Variants in NLGN1 observed in about 807,000 individuals in gnomAD.
NLGN1 encodes neuroligin-1.
Under a neutral mutation model 65.5 loss-of-function variants are expected in NLGN1, and 12 were observed. The ratio of observed to expected loss-of-function variants is 0.18; its 90% confidence interval spans 0.12 to 0.30. The LOEUF (loss-of-function observed/expected upper bound fraction) is 0.30. Ranked by LOEUF, NLGN1 falls within the 10% of genes least tolerant of loss-of-function variation. The pLI, the probability that NLGN1 is intolerant of heterozygous loss-of-function variation, is 1.00. For missense variants in NLGN1, 750 were observed against 1,007.1 expected, an observed-to-expected ratio of 0.74 and a Z score of 3.46; for synonymous variants, 350 against 359.5, an observed-to-expected ratio of 0.97 and a Z score of 0.30.
chr3:174,199,504 G>T (rs541747912), intron 4 of NLGN1, among the ~76,000 whole-genome samples: 1 of 149,978 alleles, frequency 6.7e-6, no homozygotes, highest in East Asian at 1.9e-4. Flanking sequence ...AGTCTGAACA[G>T]TGTGGAAGAG....
At chr3:173,844,027 G>A (rs1197153552) in intron 4 of NLGN1, among the ~76,000 whole-genome samples, 3 of 152,174 alleles carry the variant, frequency 2.0e-5, no homozygotes, top group African/African-American at 7.2e-5. Flanking sequence ...AAGGCAAGGA[G>A]AAATAAGTCA....
At chr3:174,209,220 G>A (rs1324371003) in intron 4 of NLGN1, among the ~76,000 whole-genome samples, 5 of 152,074 alleles carry the variant, frequency 3.3e-5, no homozygotes, top group African/African-American at 1.2e-4. Flanking sequence ...CACCGTGCCC[G>A]ACCTAATTCT....
intron 4 of NLGN1, among the ~76,000 whole-genome samples, chr3:174,236,648 G>T (rs1418784835): frequency 6.6e-6 from 1 of 151,972 alleles, no homozygotes; most frequent in African/African-American, 2.4e-5. Flanking sequence ...TCCATTCATT[G>T]ATTTTTACAT....
intron 4 of NLGN1, among the ~76,000 whole-genome samples, chr3:174,220,632 C>G (rs1239736196): frequency 6.6e-6 from 1 of 152,042 alleles, no homozygotes; most frequent in Non-Finnish European, 1.5e-5. Flanking sequence ...AACTTTATTC[C>G]TCTTTCATTT....
At chr3:174,054,801 T>A (rs1302080826) in intron 4 of NLGN1, among the ~76,000 whole-genome samples, 2 of 152,064 alleles carry the variant, frequency 1.3e-5, no homozygotes, top group Non-Finnish European at 2.9e-5. Flanking sequence ...TTATTCGCAA[T>A]GTCCGATCTT....
intron 4 of NLGN1, among the ~76,000 whole-genome samples, chr3:174,115,908 T>C (rs975979043): frequency 6.6e-6 from 1 of 152,202 alleles, no homozygotes; most frequent in South Asian, 2.1e-4. Flanking sequence ...AGGTTCTATA[T>C]GTCTCTACAT....
chr3:173,537,539 TAAAG>T (rs1020105171), intron 2 of NLGN1, among the ~76,000 whole-genome samples: 7 of 151,932 alleles, frequency 4.6e-5, no homozygotes, highest in African/African-American at 7.2e-5. Context: ...TATAATAAAA[TAAAG>T]AAGAACTACT....
chr3:173,714,639 G>A (rs1769543737), intron 3 of NLGN1, among the ~76,000 whole-genome samples: 2 of 152,078 alleles, frequency 1.3e-5, no homozygotes, highest in African/African-American at 4.8e-5. Context: ...ATGCCTTTCT[G>A]GAGCAAGTGA....
intron 1 of NLGN1, among the ~76,000 whole-genome samples, chr3:173,433,364 G>A (rs78639934): frequency 0.023 from 3,442 of 152,164 alleles, 62 homozygotes; most frequent in African/African-American, 0.038. Context: ...TTCCCTCCCT[G>A]TCTGAAACCT....
chr3:174,101,641 G>A (rs1576877036), intron 4 of NLGN1, among the ~76,000 whole-genome samples: 1 of 152,314 alleles, frequency 6.6e-6, no homozygotes, highest in Middle Eastern at 3.4e-3. Context: ...TCACAGGACT[G>A]TATACCTCTT....
At chr3:174,239,679 C>T (rs183084451) in intron 4 of NLGN1, among the ~76,000 whole-genome samples, 4 of 151,968 alleles carry the variant, frequency 2.6e-5, no homozygotes, top group Middle Eastern at 3.4e-3. Context: ...GAAGGGTAGT[C>T]GATATAATTG....
At chr3:173,619,656 G>T (rs540131660) in intron 3 of NLGN1, among the ~76,000 whole-genome samples, 1 of 152,274 alleles carries the variant, frequency 6.6e-6, no homozygotes, top group African/African-American at 2.4e-5. Flanking sequence ...GGCACAGATA[G>T]GTTACTGTGC....
At chr3:173,926,505 A>G (rs1454426471) in intron 4 of NLGN1, among the ~76,000 whole-genome samples, 1 of 152,228 alleles carries the variant, frequency 6.6e-6, no homozygotes, top group Non-Finnish European at 1.5e-5. Flanking sequence ...TCTGAGAATA[A>G]TCTGCTTCCA....
intron 2 of NLGN1, among the ~76,000 whole-genome samples, chr3:173,522,268 C>T (rs1734884798): frequency 6.6e-6 from 1 of 152,208 alleles, no homozygotes; most frequent in Non-Finnish European, 1.5e-5. Flanking sequence ...GTTCATGTCA[C>T]TGCAAATGAC....
chr3:173,413,559 C>T (rs894715706), intron 1 of NLGN1, among the ~76,000 whole-genome samples: 2 of 152,186 alleles, frequency 1.3e-5, no homozygotes, highest in African/African-American at 2.4e-5. Flanking sequence ...GACATCATGC[C>T]ACTGTACTCC....
chr3:173,742,226 T>C (rs945581243), intron 3 of NLGN1, among the ~76,000 whole-genome samples: 5 of 152,112 alleles, frequency 3.3e-5, no homozygotes, highest in Non-Finnish European at 1.5e-5. Context: ...AAACTAAAAC[T>C]CATGGAATTA....
chr3:173,827,413 C>A (rs548823970), intron 4 of NLGN1, among the ~76,000 whole-genome samples: 44 of 152,000 alleles, frequency 2.9e-4, no homozygotes, highest in Non-Finnish European at 5.0e-4. Flanking sequence ...AGAGAGGATG[C>A]CTGAGCTGGA....
intron 2 of NLGN1, among the ~76,000 whole-genome samples, chr3:173,564,311 A>G (rs1336104459): frequency 1.3e-5 from 2 of 152,270 alleles, no homozygotes; most frequent in Admixed American, 6.5e-5. Flanking sequence ...ATAAAGGATC[A>G]GTAACAAAGA....
At chr3:173,738,762 C>T (rs1359525386) in intron 3 of NLGN1, among the ~76,000 whole-genome samples, 1 of 151,886 alleles carries the variant, frequency 6.6e-6, no homozygotes, top group Non-Finnish European at 1.5e-5. Flanking sequence ...ATCAGATTGT[C>T]AATTTATGCA....
Sources: gnomAD v4.1 joint callset for allele counts (sites outside exome capture counted in the v4.1 genomes callset) on GRCh38, gnomAD v4.1.1 for gene constraint, MANE v1.5 for transcripts, NCBI Gene and HGNC (gene_info 2026-07-23, HGNC 2026-07-21) for gene names.